AFF1: variants seen among roughly 807,000 people sequenced by gnomAD.
AFF1 encodes ALF transcription elongation factor 1.
A neutral mutation model predicts 121.7 loss-of-function variants in AFF1; 48 were observed. The observed-to-expected ratio is 0.39, with a 90% confidence interval of 0.31 to 0.50. The LOEUF is 0.50. AFF1 is among the 20% of genes least tolerant of loss of function. The pLI, the probability that AFF1 is intolerant of heterozygous loss-of-function variation, is 0.76. For synonymous variants in AFF1, 613 were observed against 563.0 expected, an observed-to-expected ratio of 1.09 and a Z score of -1.26; for missense variants, 1,523 against 1,511.7, an observed-to-expected ratio of 1.01 and a Z score of -0.12.
chr4:87,025,195 C>T (rs1044355755), intron 2 of AFF1, among the ~76,000 whole-genome samples: 5 of 152,206 alleles, frequency 3.3e-5, no homozygotes, highest in Non-Finnish European at 7.3e-5. Context: ...AAAGCCTGTG[C>T]TCCTTTGCCA....
chr4:86,986,502 A>G (rs1199644411), intron 2 of AFF1, among the ~76,000 whole-genome samples: 1 of 152,228 alleles, frequency 6.6e-6, no homozygotes, highest in Non-Finnish European at 1.5e-5. Context: ...AAATCTGATC[A>G]AGCCAGTTTA....
chr4:87,136,162 A>AT lies in AFF1; in HGVS notation c.*469dup, dbSNP rs1197374142. The AT allele has an allele frequency of 8.6e-6, 2 of 231,590 alleles. No homozygotes were observed. Among genetic ancestry groups the AT allele is most frequent in the Non-Finnish European group, 8.5e-6 (1 of 117,510 alleles). 14.3% of individuals were successfully genotyped at this position (231,590 alleles called of 1,614,324 possible). Reference sequence around the variant, plus strand: ...CTTTTGGTAAAGGGTTTTGTGGATGATTTTTTTTCTTTTGAGTTTTGGGAG... The same window carrying AT: ...CTTTTGGTAAAGGGTTTTGTGGATGATTTTTTTTTCTTTTGAGTTTTGGGAG... On this transcript the variant is annotated 3_prime_UTR_variant, in exon 21 of 21. Transcript: ENST00000395146.
intron 12 of AFF1, among the ~76,000 whole-genome samples, chr4:87,120,861 C>G (rs1186010497): frequency 6.6e-6 from 1 of 152,196 alleles, no homozygotes; most frequent in Non-Finnish European, 1.5e-5. Context: ...GCCACCTTTT[C>G]CCTGCTTCCT....
intron 4 of AFF1, among the ~76,000 whole-genome samples, chr4:87,083,690 A>T (rs1265167462): frequency 6.6e-6 from 1 of 152,198 alleles, no homozygotes; most frequent in African/African-American, 2.4e-5. Flanking sequence ...CTGAGGGTCA[A>T]CAGTTAGTCT....
At chr4:86,973,881 A>T (rs1723113081) in intron 2 of AFF1, 1 of 152,192 alleles carries the variant, frequency 6.6e-6, no homozygotes, top group African/African-American at 2.4e-5. Context: ...TGATAGATCA[A>T]AGATGACCTA....
chr4:87,061,527 T>C (rs1030895521), intron 4 of AFF1, among the ~76,000 whole-genome samples: 5 of 152,388 alleles, frequency 3.3e-5, no homozygotes, highest in Non-Finnish European at 7.3e-5. Context: ...TATATTAATT[T>C]AGTTGCCAAC....
intron 2 of AFF1, among the ~76,000 whole-genome samples, chr4:86,961,187 A>G (rs1349911876): frequency 6.6e-6 from 1 of 152,214 alleles, no homozygotes; most frequent in Non-Finnish European, 1.5e-5. Context: ...AATATTTAAT[A>G]AGCGCAGTGA....
At chr4:87,046,629 A>T in intron 3 of AFF1, 66 bp from the exon 4 acceptor site, 1 of 1,481,370 alleles carries the variant, frequency 6.8e-7, no homozygotes. Flanking sequence ...GTATTATATA[A>T]CGTGGTTTGT....
At chr4:87,115,609 C>CTTTTTTTTTTTTT (rs71660115) in intron 12 of AFF1, among the ~76,000 whole-genome samples, 548 of 40,632 alleles carry the variant, frequency 0.013, 83 homozygotes, top group Middle Eastern at 0.062. Flanking sequence ...CAACCCACCT[C>CTTTTTTTTTTTTT]TTTTTTTTTT....
chr4:86,995,999 C>T (rs922269745), intron 2 of AFF1, among the ~76,000 whole-genome samples: 1 of 150,922 alleles, frequency 6.6e-6, no homozygotes, highest in African/African-American at 2.4e-5. Context: ...CGCCCGGCAG[C>T]CGCCCCGTCT....
At chr4:87,061,206 GC>G (rs1306870381) in intron 4 of AFF1, among the ~76,000 whole-genome samples, 2 of 152,212 alleles carry the variant, frequency 1.3e-5, no homozygotes, top group Non-Finnish European at 2.9e-5. Context: ...GGCTGAGTAT[GC>G]CCATCCGCTA....
At chr4:86,943,824 T>A (rs2149444283) in intron 1 of AFF1, among the ~76,000 whole-genome samples, 1 of 151,898 alleles carries the variant, frequency 6.6e-6, no homozygotes, top group East Asian at 1.9e-4. Context: ...TAGCCAGGCG[T>A]GGTGGTGCAT....
chr4:87,107,671 G>A (rs1029278104), intron 10 of AFF1, among the ~76,000 whole-genome samples: 1 of 152,162 alleles, frequency 6.6e-6, no homozygotes, highest in Non-Finnish European at 1.5e-5. Flanking sequence ...GTGTAACAGA[G>A]ACCAGCAAAC....
intron 2 of AFF1, among the ~76,000 whole-genome samples, chr4:87,045,371 G>A (rs1194670725): frequency 6.6e-6 from 1 of 151,704 alleles, no homozygotes; most frequent in Non-Finnish European, 1.5e-5. Context: ...TGACAATGAG[G>A]CAGGTCCACT....
At chr4:87,036,660 A>G (rs778842833) in intron 2 of AFF1, 6 of 320,258 alleles carry the variant, frequency 1.9e-5, no homozygotes, top group Non-Finnish European at 3.1e-5. Context: ...GTGTTTTTCT[A>G]TCTGTAAGGT....
chr4:87,020,017 T>TTTG (rs1727739878), intron 2 of AFF1, among the ~76,000 whole-genome samples: 1 of 150,670 alleles, frequency 6.6e-6, no homozygotes, highest in South Asian at 2.1e-4. Flanking sequence ...TGACGATTGT[T>TTTG]GTGTGAGAGC....
chr4:87,108,576 T>C (rs1163676018), intron 11 of AFF1, among the ~76,000 whole-genome samples: 1 of 152,198 alleles, frequency 6.6e-6, no homozygotes, highest in African/African-American at 2.4e-5. Context: ...TTGCTAGTGG[T>C]GTTTTGAAGA....
In AFF1 at chr4:86,956,382, T is replaced by C. The variant is rs574196511; in HGVS notation, c.38+7811T>C. 4.6e-5 allele frequency among the ~76,000 whole-genome samples: 7 copies of C among 152,318 alleles called. No individual in the cohort carries two copies. In the South Asian group the frequency reaches 1.4e-3, roughly 32 times the overall value. ...CAAAAGGAAAGCTAAATTTTGCATATAAGAAGACACTGCTACATAGTATTT... is the reference window on the plus strand; with the variant it reads ...CAAAAGGAAAGCTAAATTTTGCATACAAGAAGACACTGCTACATAGTATTT... On this transcript the variant is annotated intron_variant, in intron 2 of 20. Coordinates refer to ENST00000395146, the MANE Select transcript of AFF1 (RefSeq NM_001166693.3).
At chr4:87,085,986 G>A (rs1351550415) in intron 5 of AFF1, among the ~76,000 whole-genome samples, 1 of 152,080 alleles carries the variant, frequency 6.6e-6, no homozygotes, top group Non-Finnish European at 1.5e-5. Context: ...TGATCCACCC[G>A]CCTCAGCCCC....
Sources: allele counts gnomAD v4.1 joint callset (sites outside exome capture counted in the v4.1 genomes callset), GRCh38; gene constraint gnomAD v4.1.1; transcripts MANE v1.5; gene names NCBI Gene and HGNC (gene_info 2026-07-23, HGNC 2026-07-21).